FGF12: variants seen among roughly 807,000 people sequenced by gnomAD.
FGF12 encodes fibroblast growth factor 12B.
FGF12 carries 14 observed loss-of-function variants against 23.6 expected under a neutral mutation model. The ratio of observed to expected loss-of-function variants is 0.59; its 90% CI spans 0.39 to 0.93. FGF12 has a LOEUF of 0.93. FGF12 is among the 40% of genes least tolerant of loss of function. The pLI is 0.00. For missense variants in FGF12, 175 were observed against 217.8 expected (o/e 0.80, Z 1.24); for synonymous variants, 62 against 77.3 (o/e 0.80, Z 1.04).
chr3:192,154,572 T>A (rs1490075062), intron 5 of FGF12, among the ~76,000 whole-genome samples: 5 of 151,586 alleles, frequency 3.3e-5, no homozygotes, highest in South Asian at 2.1e-4. Context: ...AGTACCCTGC[T>A]GTGAGAGGTG....
intron 2 of FGF12, among the ~76,000 whole-genome samples, chr3:192,595,292 CT>C (rs1713792229): frequency 6.6e-6 from 1 of 152,144 alleles, no homozygotes; most frequent in South Asian, 2.1e-4. Context: ...ATATTTGGAC[CT>C]GCTTCACATT....
intron 2 of FGF12, among the ~76,000 whole-genome samples, chr3:192,489,467 C>T (rs1471831737): frequency 6.6e-6 from 1 of 152,000 alleles, no homozygotes; most frequent in Non-Finnish European, 1.5e-5. Flanking sequence ...TCTCAGTTTT[C>T]TTCAGAACAA....
intron 2 of FGF12, among the ~76,000 whole-genome samples, chr3:192,706,946 A>G (rs1204028753): frequency 2.0e-5 from 3 of 152,268 alleles, no homozygotes; most frequent in Admixed American, 2.0e-4. Context: ...AATACTAACC[A>G]GATGAATAAC....
intron 2 of FGF12, among the ~76,000 whole-genome samples, chr3:192,525,857 C>T (rs372074057): frequency 2.6e-5 from 4 of 152,192 alleles, no homozygotes; most frequent in African/African-American, 9.7e-5. Context: ...TCACTGCAAC[C>T]TCCGCCTTCC....
intron 2 of FGF12, among the ~76,000 whole-genome samples, chr3:192,483,721 G>A (rs1723544760): frequency 6.6e-6 from 1 of 151,914 alleles, no homozygotes; most frequent in Admixed American, 6.6e-5. Context: ...GTTACTATTT[G>A]GATGCATTAA....
intron 2 of FGF12, among the ~76,000 whole-genome samples, chr3:192,454,289 C>T (rs207464196): frequency 2.0e-5 from 3 of 152,134 alleles, no homozygotes; most frequent in South Asian, 4.1e-4. Flanking sequence ...CCACCCACCT[C>T]GGCCTCCCAA....
At position 192,544,795 on chromosome 3, in the gene FGF12, G is replaced by A. The variant is rs1725455914; in HGVS notation, c.13+182386C>T. On this transcript the variant is annotated intron_variant, in intron 2 of 5. Coordinates refer to ENST00000445105, the MANE Select transcript of FGF12 (RefSeq NM_004113.6). The stretch of plus-strand genomic sequence containing the variant: ...TTTTTAGACTCTCATTCCAGGTCTA[G>A]CCCACACAAGTTGTATAAGCTTGGG... Among the ~76,000 whole-genome samples the A allele has an allele frequency of 2.0e-5, 3 of 152,118 alleles. No individual in the cohort carries two copies. The South Asian group carries it at 6.2e-4, about 32-fold the overall frequency.
chr3:192,428,811 C>A (rs1270627453), intron 2 of FGF12, among the ~76,000 whole-genome samples: 1 of 152,142 alleles, frequency 6.6e-6, no homozygotes, highest in Admixed American at 6.5e-5. Context: ...GAGGTTGTTC[C>A]TTTAAGTATT....
At chr3:192,323,905 A>G (rs1440647891) in intron 4 of FGF12, among the ~76,000 whole-genome samples, 1 of 152,084 alleles carries the variant, frequency 6.6e-6, no homozygotes, top group Non-Finnish European at 1.5e-5. Flanking sequence ...AGCCTGCGCA[A>G]CACAGTGAAA....
At chr3:192,164,364 C>T (rs1715041445) in intron 5 of FGF12, among the ~76,000 whole-genome samples, 3 of 152,160 alleles carry the variant, frequency 2.0e-5, no homozygotes, top group Non-Finnish European at 1.5e-5. Flanking sequence ...TGTGCTTAAA[C>T]ATCAAGGCCA....
chr3:192,638,290 T>G (rs1458905193), intron 2 of FGF12, among the ~76,000 whole-genome samples: 1 of 152,198 alleles, frequency 6.6e-6, no homozygotes, highest in Non-Finnish European at 1.5e-5. Context: ...ATAGCCTTAG[T>G]GACAAAAAAA....
chr3:192,201,471 A>G (rs561454904), intron 4 of FGF12, among the ~76,000 whole-genome samples: 61 of 152,356 alleles, frequency 4.0e-4, no homozygotes, highest in Middle Eastern at 3.4e-3. Flanking sequence ...TACAATGTCA[A>G]TGTGAGTTAT....
chr3:192,659,146 A>G (rs1199483986), intron 2 of FGF12, among the ~76,000 whole-genome samples: 1 of 152,210 alleles, frequency 6.6e-6, no homozygotes, highest in East Asian at 1.9e-4. Context: ...CTATTCTAAA[A>G]TGATCCCAGA....
intron 2 of FGF12, among the ~76,000 whole-genome samples, chr3:192,638,252 C>G (rs1393786164): frequency 6.6e-6 from 1 of 152,158 alleles, no homozygotes; most frequent in Non-Finnish European, 1.5e-5. Context: ...TTATTGAATA[C>G]AACTTATTGT....
At chr3:192,493,281 A>T (rs1723853526) in intron 2 of FGF12, among the ~76,000 whole-genome samples, 1 of 152,116 alleles carries the variant, frequency 6.6e-6, no homozygotes. Context: ...TGCAACATCA[A>T]TCTGTGAGTC....
chr3:192,212,606 T>C (rs1240477098), intron 4 of FGF12, among the ~76,000 whole-genome samples: 1 of 152,118 alleles, frequency 6.6e-6, no homozygotes, highest in Non-Finnish European at 1.5e-5. Context: ...AAAATGAAGG[T>C]TTCTGCTAGA....
chr3:192,475,048 C>T (rs1444353944), intron 2 of FGF12, among the ~76,000 whole-genome samples: 3 of 152,138 alleles, frequency 2.0e-5, no homozygotes, highest in Non-Finnish European at 4.4e-5. Flanking sequence ...GTGAGCAATC[C>T]TGGTATCCTT....
chr3:192,661,368 A>G (rs1262877622), intron 2 of FGF12, among the ~76,000 whole-genome samples: 1 of 152,158 alleles, frequency 6.6e-6, no homozygotes, highest in East Asian at 1.9e-4. Context: ...CTAAAAATAC[A>G]AAACTTAGCT....
At chr3:192,191,822 C>T (rs372744400) in intron 4 of FGF12, among the ~76,000 whole-genome samples, 2 of 144,566 alleles carry the variant, frequency 1.4e-5, no homozygotes, top group African/African-American at 5.3e-5. Flanking sequence ...GGAGACAGAG[C>T]GAGACTCCGT....
Sources: allele counts gnomAD v4.1 joint callset (sites outside exome capture counted in the v4.1 genomes callset), GRCh38; gene constraint gnomAD v4.1.1; transcripts MANE v1.5; gene names NCBI Gene and HGNC (gene_info 2026-07-23, HGNC 2026-07-21).